The following ARHGAP26 variants were observed in gnomAD, a reference collection of about 807,000 sequenced individuals.
ARHGAP26 encodes rho GTPase-activating protein 26.
A neutral mutation model predicts 104.8 loss-of-function variants in ARHGAP26; 38 were observed. The ratio of observed to expected loss-of-function variants is 0.36; its 90% CI spans 0.28 to 0.48. The LOEUF (loss-of-function observed/expected upper bound fraction) is 0.48, where lower values mean the gene tolerates loss of function less well. Ranked by LOEUF, ARHGAP26 falls within the 20% of genes least tolerant of loss-of-function variation. The pLI, the probability that ARHGAP26 is intolerant of heterozygous loss-of-function variation, is 0.99. For synonymous variants in ARHGAP26, 341 were observed against 340.0 expected (o/e 1.00, Z -0.03); for missense variants, 704 against 947.9 (o/e 0.74, Z 3.38).
chr5:142,850,401 GCTTTTT>G (rs1375903384), intron 1 of ARHGAP26, among the ~76,000 whole-genome samples: 1 of 151,932 alleles, frequency 6.6e-6, no homozygotes, highest in Non-Finnish European at 1.5e-5. Flanking sequence ...GGTGCTTACT[GCTTTTT>G]CTTTTTCTTG....
chr5:142,887,573 C>T (rs994598276), intron 5 of ARHGAP26, among the ~76,000 whole-genome samples: 1 of 152,162 alleles, frequency 6.6e-6, no homozygotes, highest in Non-Finnish European at 1.5e-5. Flanking sequence ...CCATTATGCT[C>T]TTTTATTATA....
intron 20 of ARHGAP26, among the ~76,000 whole-genome samples, chr5:143,198,995 C>G (rs1350818331): frequency 1.4e-4 from 22 of 152,120 alleles, no homozygotes; most frequent in Admixed American, 1.4e-3. Context: ...ACTAGTCAAG[C>G]TATTTTTAAA....
intron 11 of ARHGAP26, among the ~76,000 whole-genome samples, chr5:143,007,852 T>C (rs1778207460): frequency 6.6e-6 from 1 of 152,238 alleles, no homozygotes; most frequent in East Asian, 1.9e-4. Context: ...TTAAGAACCA[T>C]TGATTTAAAC....
chr5:143,071,705 C>T (rs1478753933), intron 17 of ARHGAP26, among the ~76,000 whole-genome samples: 1 of 151,746 alleles, frequency 6.6e-6, no homozygotes, highest in Admixed American at 6.6e-5. Context: ...GTCAGAGGTT[C>T]GAGACCAGTC....
intron 20 of ARHGAP26, among the ~76,000 whole-genome samples, chr5:143,185,744 C>A (rs1805043569): frequency 6.6e-6 from 1 of 152,358 alleles, no homozygotes; most frequent in Middle Eastern, 3.4e-3. Flanking sequence ...CTGCAGTCCA[C>A]ACAAACACCC....
At chr5:143,009,648 A>G (rs1380418390) in intron 11 of ARHGAP26, among the ~76,000 whole-genome samples, 1 of 152,240 alleles carries the variant, frequency 6.6e-6, no homozygotes, top group Non-Finnish European at 1.5e-5. Context: ...GTGATAAGAT[A>G]AAGTAAACAC....
At chr5:142,784,961 C>G (rs1758262473) in intron 1 of ARHGAP26, among the ~76,000 whole-genome samples, 1 of 130,644 alleles carries the variant, frequency 7.7e-6, no homozygotes, top group Admixed American at 8.5e-5. Context: ...GAGTCTTGCT[C>G]TGTTGTCCAG....
chr5:143,215,224 G>T (rs887437825), intron 22 of ARHGAP26, among the ~76,000 whole-genome samples: 2 of 152,222 alleles, frequency 1.3e-5, no homozygotes, highest in South Asian at 2.1e-4. Flanking sequence ...AGCAGGATTT[G>T]AGAGATTCCT....
chr5:143,054,288 T>C, intron 14 of ARHGAP26, 151 bp from the exon 15 acceptor site: 1 of 543,166 alleles, frequency 1.8e-6, no homozygotes, highest in East Asian at 2.9e-5. Flanking sequence ...TTTTAGACAT[T>C]TTCCTAATTT....
chr5:143,059,400 G>A (rs753661703), intron 17 of ARHGAP26, among the ~76,000 whole-genome samples: 13 of 152,144 alleles, frequency 8.5e-5, no homozygotes, highest in Non-Finnish European at 1.5e-4. Flanking sequence ...CCAGTGTTGC[G>A]TTTTTCCTAC....
intron 10 of ARHGAP26, chr5:142,919,467 T>C (rs1319993503): frequency 5.0e-6 from 2 of 398,304 alleles, no homozygotes; most frequent in Non-Finnish European, 8.8e-6. Context: ...GGCACTTTGT[T>C]ACGGCAGCCC....
chr5:142,938,218 T>A (rs2152551354), intron 11 of ARHGAP26, among the ~76,000 whole-genome samples: 1 of 152,320 alleles, frequency 6.6e-6, no homozygotes, highest in Non-Finnish European at 1.5e-5. Flanking sequence ...AGGACACTAC[T>A]ATTTTTATAA....
intron 18 of ARHGAP26, among the ~76,000 whole-genome samples, chr5:143,129,599 T>C (rs1339173406): frequency 6.6e-6 from 1 of 152,248 alleles, no homozygotes; most frequent in Non-Finnish European, 1.5e-5. Flanking sequence ...TCCTTATCTA[T>C]GTGACCTTGG....
chr5:143,144,171 T>A (rs1225733884), intron 19 of ARHGAP26, among the ~76,000 whole-genome samples: 1 of 152,222 alleles, frequency 6.6e-6, no homozygotes, highest in Non-Finnish European at 1.5e-5. Flanking sequence ...ATAATTGCCA[T>A]CAGTCCTTCT....
intron 17 of ARHGAP26, among the ~76,000 whole-genome samples, chr5:143,084,887 A>G (rs1391132784): frequency 2.0e-5 from 3 of 152,070 alleles, no homozygotes; most frequent in African/African-American, 7.2e-5. Flanking sequence ...TCTACTAAAA[A>G]TACAAAAATT....
intron 1 of ARHGAP26, among the ~76,000 whole-genome samples, chr5:142,865,372 G>A (rs1597980612): frequency 6.6e-6 from 1 of 151,864 alleles, no homozygotes; most frequent in East Asian, 1.9e-4. Flanking sequence ...ATGAGGAAAA[G>A]CCAATACAGC....
In ARHGAP26 at chr5:143,055,877, G is replaced by T. The variant is rs1460568691; in HGVS notation, c.1374-151G>T. On this transcript the variant is annotated intron_variant, in intron 15 of 22. Coordinates refer to ENST00000645722, the MANE Select transcript of ARHGAP26 (RefSeq NM_001135608.3). Reference sequence around the variant, plus strand: ...AACATTTTGGGTGAAATCTCAGAACGCTTGCAATAGGGAAACTACATTGTT... The same window carrying T: ...AACATTTTGGGTGAAATCTCAGAACTCTTGCAATAGGGAAACTACATTGTT... The T allele has an allele frequency of 7.4e-6, 4 of 538,554 alleles. No homozygotes were observed. In the South Asian group the frequency reaches 1.3e-4, roughly 17 times the overall value. 33.4% of individuals were successfully genotyped at this position (538,554 alleles called of 1,614,324 possible).
At chr5:143,042,877 T>G (rs1230499968) in intron 14 of ARHGAP26, among the ~76,000 whole-genome samples, 1 of 152,214 alleles carries the variant, frequency 6.6e-6, no homozygotes, top group Non-Finnish European at 1.5e-5. Context: ...TAGAGTGAGA[T>G]CTGTTGTTTA....
At chr5:142,912,098 A>AT (rs149863823) in intron 9 of ARHGAP26, among the ~76,000 whole-genome samples, 2,032 of 152,332 alleles carry the variant, frequency 0.013, 47 homozygotes, top group African/African-American at 0.047. Flanking sequence ...AGAAACAGAA[A>AT]CCCTAACAAA....
Sources: allele counts gnomAD v4.1 joint callset (sites outside exome capture counted in the v4.1 genomes callset), GRCh38; gene constraint gnomAD v4.1.1; transcripts MANE v1.5; gene names NCBI Gene and HGNC (gene_info 2026-07-23, HGNC 2026-07-21).